KLF8: variants seen among roughly 807,000 people sequenced by gnomAD.
KLF8 encodes the protein Krueppel-like factor 8.
KLF8 carries 10 observed loss-of-function variants against 18.2 expected under a neutral mutation model. That is an observed-to-expected ratio of 0.55 (90% confidence interval 0.34 to 0.93). The LOEUF (loss-of-function observed/expected upper bound fraction) is 0.93. Ranked by LOEUF, KLF8 falls within the 40% of genes least tolerant of loss-of-function variation. KLF8 has a pLI of 0.02. For synonymous variants in KLF8, 109 were observed against 97.3 expected (o/e 1.12, Z -0.71); for missense variants, 264 against 277.9 (o/e 0.95, Z 0.36).
At chrX:56,209,776 T>C in the KLF8 span, among the ~76,000 whole-genome samples, 1 of 111,886 alleles carries the variant, frequency 8.9e-6, no homozygotes, top group African/African-American at 3.2e-5. Context: ...TGATTTTGTT[T>C]ATTGCTTTTT....
At chrX:56,097,000 C>CA in the KLF8 span, among the ~76,000 whole-genome samples, 34 of 109,574 alleles carry the variant, frequency 3.1e-4, no homozygotes, top group Non-Finnish European at 4.0e-4. Flanking sequence ...TGTCAAAGCA[C>CA]AAAAAAAAGA....
the KLF8 span, among the ~76,000 whole-genome samples, chrX:56,069,084 G>A: frequency 7.2e-5 from 8 of 111,045 alleles, no homozygotes; most frequent in Admixed American, 5.7e-4. Flanking sequence ...ACAGCCTCCT[G>A]TTGTCCCAGG....
At chrX:56,079,809 T>A in the KLF8 span, among the ~76,000 whole-genome samples, 1 of 111,069 alleles carries the variant, frequency 9.0e-6, no homozygotes, top group African/African-American at 3.3e-5. Flanking sequence ...CACTCAGGAC[T>A]TGCTTTATGA....
At chrX:56,070,300 T>C in the KLF8 span, among the ~76,000 whole-genome samples, 1 of 111,081 alleles carries the variant, frequency 9.0e-6, no homozygotes, top group South Asian at 3.9e-4. Flanking sequence ...CTAATGCATG[T>C]GGGGCTTAAA....
chrX:56,002,346 A>T, the KLF8 span, among the ~76,000 whole-genome samples: 6 of 110,905 alleles, frequency 5.4e-5, no homozygotes, highest in Non-Finnish European at 1.1e-4. Context: ...TAAACCCCTC[A>T]TTCACACTCA....
At chrX:56,240,597 T>G (rs1367104332) in intron 1 of KLF8, among the ~76,000 whole-genome samples, 1 of 111,745 alleles carries the variant, frequency 8.9e-6, no homozygotes, top group Non-Finnish European at 1.9e-5. Flanking sequence ...ACATAATAAT[T>G]AGTGGGAATC....
the KLF8 span, among the ~76,000 whole-genome samples, chrX:56,155,477 G>T: frequency 2.7e-5 from 3 of 110,632 alleles, no homozygotes; most frequent in Non-Finnish European, 5.7e-5. Context: ...AGCGGGGAGG[G>T]ATAGCATTAG....
chrX:56,044,497 G>T, the KLF8 span, among the ~76,000 whole-genome samples: 2 of 112,411 alleles, frequency 1.8e-5, no homozygotes, highest in African/African-American at 6.5e-5. Flanking sequence ...ATAGCAATCT[G>T]CCTGGATTGT....
In KLF8 at chrX:56,264,299, G is replaced by A. The variant is rs187994111; in HGVS notation, c.82-881G>A. 3.0e-3 allele frequency among the ~76,000 whole-genome samples: 335 copies of A among 110,338 alleles called. 3 individuals carry two copies. The highest frequency in any genetic ancestry group is 0.011 in the African/African-American group (327 of 30,564). On this transcript the variant is annotated intron_variant, in intron 2 of 5. Transcript: ENST00000468660. ...ATTAGTTTTTTATTAAAAACTATTA[G>A]TTTTTTAAACTAATAAATGTATTTA...
chrX:56,209,772 T>C, the KLF8 span, among the ~76,000 whole-genome samples: 146 of 112,040 alleles, frequency 1.3e-3, 1 homozygote, highest in Middle Eastern at 4.6e-3. Flanking sequence ...TATATGATTT[T>C]GTTTATTGCT....
At chrX:55,948,554 A>G in the KLF8 span, among the ~76,000 whole-genome samples, 1 of 112,156 alleles carries the variant, frequency 8.9e-6, no homozygotes, top group East Asian at 2.8e-4. Flanking sequence ...ATAGCAACTG[A>G]GGATCTTTTC....
chrX:55,911,640 T>A, the KLF8 span, among the ~76,000 whole-genome samples: 1 of 110,005 alleles, frequency 9.1e-6, no homozygotes, highest in Non-Finnish European at 1.9e-5. Context: ...GAGAGAAGAG[T>A]GCGAGGAAGG....
chrX:56,265,772 G>T, intron 3 of KLF8, 28 bp downstream of exon 3: 1 of 1,175,899 alleles, frequency 8.5e-7, no homozygotes. Context: ...CTCTTTCCTG[G>T]CCTTCCTGAA....
the KLF8 span, among the ~76,000 whole-genome samples, chrX:55,943,382 T>C: frequency 4.3e-3 from 472 of 110,150 alleles, 5 homozygotes; most frequent in African/African-American, 0.015. Flanking sequence ...AGAAAAGAGA[T>C]TTGAAGACTG....
the KLF8 span, among the ~76,000 whole-genome samples, chrX:55,977,494 C>T: frequency 1.9e-5 from 2 of 105,404 alleles, no homozygotes; most frequent in African/African-American, 6.7e-5. Flanking sequence ...ATGCATCCTT[C>T]GTGTGTGTGT....
the KLF8 span, among the ~76,000 whole-genome samples, chrX:56,213,639 A>G: frequency 9.0e-6 from 1 of 110,848 alleles, no homozygotes; most frequent in Non-Finnish European, 1.9e-5. Context: ...GACCTATTTC[A>G]TATGGGTCAT....
the KLF8 span, among the ~76,000 whole-genome samples, chrX:56,161,815 A>T: frequency 8.9e-6 from 1 of 111,886 alleles, no homozygotes; most frequent in Non-Finnish European, 1.9e-5. Flanking sequence ...GCTGGTGACG[A>T]GCTGCATTCC....
At chrX:56,000,124 G>T in the KLF8 span, among the ~76,000 whole-genome samples, 1 of 111,282 alleles carries the variant, frequency 9.0e-6, no homozygotes, top group South Asian at 3.8e-4. Context: ...TTTTAATCCT[G>T]TTTTTGTGGT....
chrX:56,018,850 A>T, the KLF8 span, among the ~76,000 whole-genome samples: 9,769 of 110,164 alleles, frequency 0.089, 1,074 homozygotes, highest in African/African-American at 0.31. Flanking sequence ...AAGGAGAGGG[A>T]TGTGTGTGTT....
Sources: allele counts gnomAD v4.1 joint callset (sites outside exome capture counted in the v4.1 genomes callset), GRCh38; gene constraint gnomAD v4.1.1; transcripts MANE v1.5; gene names NCBI Gene and HGNC (gene_info 2026-07-23, HGNC 2026-07-21).